The following VAT1L variants were observed in gnomAD, a reference collection of about 807,000 sequenced individuals.
The protein encoded by VAT1L is vesicle amine transport 1 like, also known as putative NADPH-dependent quinone oxidoreductase VAT1L.
In VAT1L, 34 loss-of-function variants were observed where a neutral mutation model predicts 44.1. That is an observed-to-expected ratio of 0.77 (90% CI 0.59 to 1.03). The LOEUF (loss-of-function observed/expected upper bound fraction) is 1.03, where lower values mean the gene tolerates loss of function less well. VAT1L is among the 50% of genes least tolerant of loss of function. VAT1L has a pLI of 0.00. For synonymous variants in VAT1L, 253 were observed against 202.2 expected (o/e 1.25, Z -2.13); for missense variants, 615 against 538.8 (o/e 1.14, Z -1.40).
In VAT1L at chr16:77,832,849, T is replaced by C. The variant is rs192278762; in HGVS notation, c.579+7388T>C. 2.0e-5 allele frequency among the ~76,000 whole-genome samples: 3 copies of C among 152,316 alleles called. No homozygotes were observed. In the East Asian group the frequency reaches 5.8e-4, roughly 29 times the overall value. On this transcript the variant is annotated intron_variant, in intron 3 of 8. Coordinates refer to ENST00000302536, the MANE Select transcript of VAT1L (RefSeq NM_020927.3). ...TCCTCCCTGAACCAACATCATCTTA[T>C]CATTAAGCCACAACAGCATGGAGCA...
chr16:77,973,991 A>C (rs2018308466), intron 8 of VAT1L, among the ~76,000 whole-genome samples: 1 of 152,214 alleles, frequency 6.6e-6, no homozygotes, highest in South Asian at 2.1e-4. Flanking sequence ...TGCTGGGATT[A>C]CAGGCATGAG....
At chr16:77,890,915 C>A (rs2017258384) in intron 7 of VAT1L, among the ~76,000 whole-genome samples, 1 of 68,800 alleles carries the variant, frequency 1.5e-5, no homozygotes, top group Non-Finnish European at 2.8e-5. Context: ...CAGAGGAAGA[C>A]CCTGTCGAAA....
intron 3 of VAT1L, among the ~76,000 whole-genome samples, chr16:77,855,565 G>T (rs2016849926): frequency 6.6e-6 from 1 of 152,096 alleles, no homozygotes; most frequent in South Asian, 2.1e-4. Context: ...CAGTGGAATT[G>T]GTGCTCTCAT....
chr16:77,830,320 C>T (rs1459341041), intron 3 of VAT1L, among the ~76,000 whole-genome samples: 1 of 152,128 alleles, frequency 6.6e-6, no homozygotes, highest in Non-Finnish European at 1.5e-5. Flanking sequence ...TCTGGGAAGC[C>T]ATACTGTCCT....
rs562928388 is a variant in VAT1L, at chr16:77,908,493, A to G, written c.1077+23691A>G. Among the ~76,000 whole-genome samples the G allele has an allele frequency of 4.4e-5, 6 of 134,942 alleles. No individual in the cohort carries two copies. In the South Asian group the frequency reaches 1.7e-3, roughly 37 times the overall value. The allele number at this position is 134,942 out of a possible 152,430, so 88.5% of individuals were successfully genotyped here. A position where few individuals can be genotyped will look rare whatever the true frequency, so the allele number is the denominator to read the frequency against. On this transcript the variant is annotated intron_variant, in intron 7 of 8. Coordinates refer to ENST00000302536, the MANE Select transcript of VAT1L (RefSeq NM_020927.3). ...AAAAAAAAAAAAAAAAAAAAAAGCCATCACAAGCCTCTTCATGATTACAGA... is the reference window on the plus strand; with the variant it reads ...AAAAAAAAAAAAAAAAAAAAAAGCCGTCACAAGCCTCTTCATGATTACAGA...
At chr16:77,805,250 T>C (rs996256460) in intron 1 of VAT1L, among the ~76,000 whole-genome samples, 2 of 152,218 alleles carry the variant, frequency 1.3e-5, no homozygotes, top group African/African-American at 4.8e-5. Context: ...GTGAGCTTTT[T>C]CTTTCCTAGC....
At chr16:77,945,580 A>G (rs140084460) in intron 7 of VAT1L, among the ~76,000 whole-genome samples, 43 of 151,964 alleles carry the variant, frequency 2.8e-4, no homozygotes, top group Admixed American at 6.6e-4. Flanking sequence ...GTTAGCCACC[A>G]CACCTGGCCA....
At chr16:77,922,210 T>C (rs2017619360) in intron 7 of VAT1L, among the ~76,000 whole-genome samples, 2 of 152,182 alleles carry the variant, frequency 1.3e-5, no homozygotes, top group African/African-American at 4.8e-5. Flanking sequence ...TGTCTGTATG[T>C]GTCTCTGTGT....
chr16:77,847,061 A>C (rs1292970798), intron 3 of VAT1L, among the ~76,000 whole-genome samples: 1 of 152,224 alleles, frequency 6.6e-6, no homozygotes, highest in Non-Finnish European at 1.5e-5. Context: ...TAAAGAGCTT[A>C]GTAGAGGTCA....
At chr16:77,897,888 A>C (rs2017340881) in intron 7 of VAT1L, among the ~76,000 whole-genome samples, 1 of 152,130 alleles carries the variant, frequency 6.6e-6, no homozygotes. Context: ...TTATTTCCCA[A>C]AACAGTTGTG....
At chr16:77,965,523 C>G (rs2018213894) in intron 7 of VAT1L, among the ~76,000 whole-genome samples, 1 of 152,220 alleles carries the variant, frequency 6.6e-6, no homozygotes, top group Non-Finnish European at 1.5e-5. Flanking sequence ...CCTCCACTGT[C>G]TGGATGGGAA....
At chr16:77,833,311 T>C (rs10514430) in intron 3 of VAT1L, among the ~76,000 whole-genome samples, 15,668 of 152,184 alleles carry the variant, frequency 0.1, 852 homozygotes, top group Non-Finnish European at 0.11. Context: ...CAAGGTGATA[T>C]GAGTATTGAG....
intron 1 of VAT1L, among the ~76,000 whole-genome samples, chr16:77,790,939 G>A (rs1459644580): frequency 6.6e-6 from 1 of 152,088 alleles, no homozygotes; most frequent in Non-Finnish European, 1.5e-5. Context: ...CTTCAGTGGC[G>A]CTACACACAC....
intron 1 of VAT1L, among the ~76,000 whole-genome samples, chr16:77,811,237 G>A (rs1417458141): frequency 6.6e-6 from 1 of 152,190 alleles, no homozygotes; most frequent in Non-Finnish European, 1.5e-5. Context: ...CACCAGGAGA[G>A]TAGAAGACAA....
chr16:77,859,762 A>C (rs1176306685), intron 3 of VAT1L, among the ~76,000 whole-genome samples: 1 of 152,206 alleles, frequency 6.6e-6, no homozygotes, highest in East Asian at 1.9e-4. Flanking sequence ...AGGGAGGAAG[A>C]GGAGGCCAGG....
rs180674041 is a variant in VAT1L, at chr16:77,865,390, T to G, written c.722+2500T>G. Among the ~76,000 whole-genome samples, 273 of 152,298 alleles carry G rather than the reference T, an allele frequency of 1.8e-3. 1 individual carries two copies. Among genetic ancestry groups the G allele is most frequent in the Non-Finnish European group, 3.2e-3 (219 of 68,032 alleles). On this transcript the variant is annotated intron_variant, in intron 4 of 8. Coordinates refer to ENST00000302536, the MANE Select transcript of VAT1L (RefSeq NM_020927.3). ...GTATTTTTGCAAGCATTCTTTCATG[T>G]ACGCATGAATACAATTGCTTAATAC...
At chr16:77,953,971 A>G (rs1024856279) in intron 7 of VAT1L, among the ~76,000 whole-genome samples, 1 of 152,144 alleles carries the variant, frequency 6.6e-6, no homozygotes, top group Admixed American at 6.6e-5. Flanking sequence ...TAGACCATGA[A>G]CTGTGGGTTG....
At chr16:77,971,772 T>G in intron 7 of VAT1L, 78 bp from the exon 8 acceptor site, 6 of 1,477,068 alleles carry the variant, frequency 4.1e-6, no homozygotes, top group Non-Finnish European at 5.5e-6. Context: ...ACTTGACAGT[T>G]TGAGTTCTCC....
intron 7 of VAT1L, among the ~76,000 whole-genome samples, chr16:77,959,621 A>G (rs1289535015): frequency 4.6e-5 from 7 of 152,150 alleles, no homozygotes. Context: ...CATTCATAGC[A>G]TAAGCCAAGT....
Sources: allele counts gnomAD v4.1 joint callset (sites outside exome capture counted in the v4.1 genomes callset), GRCh38; gene constraint gnomAD v4.1.1; transcripts MANE v1.5; gene names NCBI Gene and HGNC (gene_info 2026-07-23, HGNC 2026-07-21).